Variants in ENOX2 observed in about 807,000 individuals in gnomAD.
The protein encoded by ENOX2 is ecto-NOX disulfide-thiol exchanger 2.
ENOX2 carries 36 observed loss-of-function variants against 45.0 expected under a neutral mutation model. The ratio of observed to expected loss-of-function variants is 0.80; its 90% CI spans 0.61 to 1.06. The LOEUF is 1.06. Ranked by LOEUF, ENOX2 falls within the 50% of genes least tolerant of loss-of-function variation. The probability of loss-of-function intolerance (pLI) is 0.00; values close to 1 mark genes in which losing one functional copy is unlikely to be tolerated. For missense variants in ENOX2, 423 were observed against 462.5 expected, an observed-to-expected ratio of 0.91 and a Z score of 0.78; for synonymous variants, 174 against 152.3, an observed-to-expected ratio of 1.14 and a Z score of -1.05.
chrX:130,724,380 G>C (rs1052345678), intron 3 of ENOX2, among the ~76,000 whole-genome samples: 1 of 112,676 alleles, frequency 8.9e-6, no homozygotes, highest in Non-Finnish European at 1.9e-5. Context: ...TACTGGAGCA[G>C]AGCCTGGGAG....
chrX:130,739,630 T>C (rs2038934943), intron 3 of ENOX2, among the ~76,000 whole-genome samples: 1 of 112,363 alleles, frequency 8.9e-6, no homozygotes, highest in Non-Finnish European at 1.9e-5. Context: ...TTACATTTTC[T>C]TAACAACCCA....
chrX:130,701,572 A>G (rs2037898102), intron 4 of ENOX2, among the ~76,000 whole-genome samples: 1 of 111,603 alleles, frequency 9.0e-6, no homozygotes. Flanking sequence ...TTTAATTGTC[A>G]TAACAATCCT....
At chrX:130,688,560 A>T (rs2037505652) in intron 5 of ENOX2, among the ~76,000 whole-genome samples, 2 of 112,376 alleles carry the variant, frequency 1.8e-5, no homozygotes, top group African/African-American at 6.5e-5. Flanking sequence ...CGAAAAGAAA[A>T]GACTGCAGAT....
intron 3 of ENOX2, among the ~76,000 whole-genome samples, chrX:130,775,993 G>C (rs1195681856): frequency 1.8e-5 from 2 of 111,585 alleles, no homozygotes; most frequent in African/African-American, 6.5e-5. Flanking sequence ...CTAATAATAA[G>C]TGTCAAATTC....
intron 2 of ENOX2, among the ~76,000 whole-genome samples, chrX:130,842,435 T>C (rs1359075059): frequency 9.0e-6 from 1 of 111,661 alleles, no homozygotes; most frequent in Non-Finnish European, 1.9e-5. Context: ...GCCCTATCCA[T>C]CCTTAAACGA....
At chrX:130,773,261 A>G (rs181727788) in intron 3 of ENOX2, among the ~76,000 whole-genome samples, 2 of 112,405 alleles carry the variant, frequency 1.8e-5, no homozygotes, top group African/African-American at 6.5e-5. Flanking sequence ...GTAGGTAAAG[A>G]AACTAGGCTT....
In ENOX2 at chrX:130,722,115, C is replaced by T. The variant is rs907429047; in HGVS notation, c.-38-18861G>A. Among the ~76,000 whole-genome samples, 3 of 111,734 alleles carry T rather than the reference C, an allele frequency of 2.7e-5. No individual in the cohort carries two copies. The East Asian group carries it at 8.4e-4, about 31-fold the overall frequency. ...CACATACATCAGGAGCGCATGAACT[C>T]ACAACAGGGTTGGTCAAAGGGGGTG... On this transcript the variant is annotated intron_variant, in intron 3 of 14. Transcript: ENST00000394363.
At chrX:130,643,124 G>C (rs373657412) in intron 10 of ENOX2, among the ~76,000 whole-genome samples, 1 of 111,419 alleles carries the variant, frequency 9.0e-6, no homozygotes, top group East Asian at 2.8e-4. Flanking sequence ...TTATTTGAAA[G>C]TGGGGTTGAA....
At chrX:130,781,990 C>A (rs2076905026) in intron 3 of ENOX2, among the ~76,000 whole-genome samples, 1 of 111,071 alleles carries the variant, frequency 9.0e-6, no homozygotes, top group African/African-American at 3.3e-5. Context: ...TTAGTAAACC[C>A]TTAAAAATTT....
chrX:130,709,286 T>C, intron 3 of ENOX2: 1 of 1,204,110 alleles, frequency 8.3e-7, no homozygotes, highest in Non-Finnish European at 1.1e-6. Context: ...TAAAATCTCT[T>C]TGCATTGTGT....
intron 2 of ENOX2, among the ~76,000 whole-genome samples, chrX:130,899,660 C>T (rs2079114233): frequency 8.9e-6 from 1 of 111,852 alleles, no homozygotes; most frequent in Non-Finnish European, 1.9e-5. Context: ...TCTTGCATGC[C>T]TAAGGGTCAC....
Position 130,696,984 on chromosome X carries a change from A to G in ENOX2, c.97+6136T>C, listed in dbSNP as rs1192612795. 3.6e-5 allele frequency among the ~76,000 whole-genome samples: 4 copies of G among 111,562 alleles called. No individual in the cohort carries two copies. In the Admixed American group the frequency reaches 3.8e-4, roughly 11 times the overall value. On this transcript the variant is annotated intron_variant, in intron 4 of 14. Coordinates refer to ENST00000394363, the MANE Select transcript of ENOX2 (RefSeq NM_006375.4). ...TGGTCTTTGTCTTCTATTCTCATTT[A>G]TATTTTCCCAGATGCTGATTTATTT...
chrX:130,728,274 T>C (rs1222979048), intron 3 of ENOX2, among the ~76,000 whole-genome samples: 1 of 111,523 alleles, frequency 9.0e-6, no homozygotes, highest in Non-Finnish European at 1.9e-5. Context: ...CAGCAGCTTC[T>C]CCCAGTACCC....
intron 2 of ENOX2, among the ~76,000 whole-genome samples, chrX:130,883,998 G>A (rs2078863961): frequency 8.9e-6 from 1 of 112,224 alleles, no homozygotes; most frequent in Non-Finnish European, 1.9e-5. Context: ...ACACAGTGAG[G>A]GATGTTAGCC....
At chrX:130,800,601 T>C (rs1256716453) in intron 2 of ENOX2, among the ~76,000 whole-genome samples, 1 of 111,873 alleles carries the variant, frequency 8.9e-6, no homozygotes, top group African/African-American at 3.2e-5. Flanking sequence ...TGTCTTCCCT[T>C]TTGGAGATAG....
rs988753042 is a variant in ENOX2, at chrX:130,862,544, T to C, written c.-183+39140A>G. On this transcript the variant is annotated intron_variant, in intron 2 of 14. Transcript: ENST00000394363. ...ATAATCACTTATCACCTTCCAGCTA[T>C]ATAAAATCACTTAAGACTCTGAGTA... 6.4e-5 allele frequency among the ~76,000 whole-genome samples: 7 copies of C among 110,067 alleles called. No individual in the cohort carries two copies. The East Asian group carries it at 8.5e-4, about 13-fold the overall frequency.
chrX:130,867,057 C>T (rs2078502366), intron 2 of ENOX2, among the ~76,000 whole-genome samples: 1 of 110,755 alleles, frequency 9.0e-6, no homozygotes, highest in African/African-American at 3.3e-5. Flanking sequence ...ATAAATCAAA[C>T]ACATGTCAAC....
At chrX:130,636,255 A>C (rs139700338) in intron 11 of ENOX2, among the ~76,000 whole-genome samples, 1,202 of 112,557 alleles carry the variant, frequency 0.011, 7 homozygotes, top group Middle Eastern at 0.019. Context: ...ACATTTTGTT[A>C]ACAGAAAAGG....
intron 2 of ENOX2, among the ~76,000 whole-genome samples, chrX:130,868,805 A>G (rs766689966): frequency 7.2e-5 from 8 of 111,343 alleles, no homozygotes; most frequent in Non-Finnish European, 1.5e-4. Context: ...TACACCCACA[A>G]TGTAATTCAT....
Sources: gnomAD v4.1 joint callset for allele counts (sites outside exome capture counted in the v4.1 genomes callset) on GRCh38, gnomAD v4.1.1 for gene constraint, MANE v1.5 for transcripts, NCBI Gene and HGNC (gene_info 2026-07-23, HGNC 2026-07-21) for gene names.